DCUN1D5: variants seen among roughly 807,000 people sequenced by gnomAD.
The protein encoded by DCUN1D5 is DCN1-like protein 5.
Under a neutral mutation model 38.3 loss-of-function variants are expected in DCUN1D5, and 10 were observed. The ratio of observed to expected loss-of-function variants is 0.26; its 90% CI spans 0.16 to 0.44. The LOEUF is 0.44. Ranked by LOEUF, DCUN1D5 falls within the 20% of genes least tolerant of loss-of-function variation. The probability of loss-of-function intolerance (pLI) is 1.00; values close to 1 mark genes in which losing one functional copy is unlikely to be tolerated. For synonymous variants in DCUN1D5, 93 were observed against 90.9 expected (o/e 1.02, Z -0.13); for missense variants, 148 against 275.3 (o/e 0.54, Z 3.27).
rs1159801797 is a variant in DCUN1D5 at position 103,055,311 on chromosome 11, A to G, written c.*7048T>C. Reference sequence around the variant, plus strand: ...GATGTTCAACCTGCGCTGTTTGGCTATATTAATTCATGTAGAACTCTTCAC... The same window carrying G: ...GATGTTCAACCTGCGCTGTTTGGCTGTATTAATTCATGTAGAACTCTTCAC... On this transcript the variant is annotated 3_prime_UTR_variant, in exon 8 of 8. Coordinates refer to ENST00000260247, the MANE Select transcript of DCUN1D5 (RefSeq NM_032299.4). 6.6e-6 allele frequency: 1 copy of G among 152,152 alleles called. No homozygotes were observed. Among genetic ancestry groups the G allele is most frequent in the African/African-American group, 2.4e-5 (1 of 41,458 alleles). The allele number at this position is 152,152 out of a possible 1,614,324, so 9.4% of individuals were successfully genotyped here.
At chr11:103,082,967 G>A in intron 3 of DCUN1D5, 128 bp from the exon 4 acceptor site, 3 of 702,698 alleles carry the variant, frequency 4.3e-6, no homozygotes, top group Non-Finnish European at 7.1e-6. Context: ...ACAACCTCTG[G>A]AATTATTAAC....
chr11:103,078,904 A>G lies in DCUN1D5; in HGVS notation c.341+3844T>C, dbSNP rs1234839902. Among the ~76,000 whole-genome samples, 1 of 152,144 alleles carries G rather than the reference A, an allele frequency of 6.6e-6. No individual in the cohort carries two copies. The highest frequency in any genetic ancestry group is 1.9e-4 in the East Asian group (1 of 5,192). ...TAACCTTACTCATCTGTGCTTTCAT[A>G]GTATCTTGTATTTCCACTCTAGCAC... On this transcript the variant is annotated intron_variant, in intron 4 of 7. Coordinates refer to ENST00000260247, the MANE Select transcript of DCUN1D5 (RefSeq NM_032299.4). The surrounding 1 kb of genome is among the most constrained non-coding windows in gnomAD (Gnocchi z 4.6).
intron 1 of DCUN1D5, among the ~76,000 whole-genome samples, chr11:103,090,866 C>A (rs565524995): frequency 6.6e-5 from 10 of 152,222 alleles, no homozygotes; most frequent in Admixed American, 1.3e-4. Flanking sequence ...AAGCGGAGAT[C>A]GCGCCACTGC....
In DCUN1D5 at chr11:103,061,431, A is replaced by C. The variant is rs1862006387; in HGVS notation, c.*928T>G. The stretch of plus-strand genomic sequence containing the variant: ...AAGACACTTGATTACCAACAGGCAG[A>C]AAATTGTGATAATTAGCAAGCTGCA... On this transcript the variant is annotated 3_prime_UTR_variant, in exon 8 of 8. Transcript: ENST00000260247. 6.6e-6 allele frequency among the ~76,000 whole-genome samples: 1 copy of C among 152,118 alleles called. No homozygotes were observed. The highest frequency in any genetic ancestry group is 2.1e-4 in the South Asian group (1 of 4,828).
At position 103,062,959 on chromosome 11, in the gene DCUN1D5, G is replaced by A. The variant is rs1365735848; in HGVS notation, c.659-545C>T. Among the ~76,000 whole-genome samples the A allele has an allele frequency of 6.6e-6, 1 of 152,076 alleles. No homozygotes were observed. Among genetic ancestry groups the A allele is most frequent in the East Asian group, 1.9e-4 (1 of 5,200 alleles). On this transcript the variant is annotated intron_variant, in intron 7 of 7. Transcript: ENST00000260247. This position sits in a 1 kb window ranked among gnomAD's most constrained non-coding sequence, Gnocchi z 4.6. ...GGAGGTCCAAACTCATTTGCTGACA[G>A]AGCCAAGTAGGCAGTTTAAATGAGC...
At position 103,073,353 on chromosome 11, in the gene DCUN1D5, C is replaced by G. The variant is rs1043779646; in HGVS notation, c.342-6786G>C. ...ATTAAGAGTATTCAAAGACTCAAAA[C>G]AGTAAAAATGTCAATTCTCCCCAAA... On this transcript the variant is annotated intron_variant, in intron 4 of 7. Coordinates refer to ENST00000260247, the MANE Select transcript of DCUN1D5 (RefSeq NM_032299.4). This position sits in a 1 kb window ranked among gnomAD's most constrained non-coding sequence, Gnocchi z 4.2. Among the ~76,000 whole-genome samples, 4 of 152,210 alleles carry G rather than the reference C, an allele frequency of 2.6e-5. No individual in the cohort carries two copies. Among genetic ancestry groups the G allele is most frequent in the East Asian group, 1.9e-4 (1 of 5,178 alleles).
rs1341862756 is a variant in DCUN1D5, at chr11:103,077,665, A to G, written c.341+5083T>C. Among the ~76,000 whole-genome samples, 1 of 152,214 alleles carries G rather than the reference A, an allele frequency of 6.6e-6. No individual in the cohort carries two copies. The highest frequency in any genetic ancestry group is 2.1e-4 in the South Asian group (1 of 4,830). Reference sequence around the variant, plus strand: ...TTCATTAAAGACCTTTAAAGTGAGAAGAAAGTTTCATGCATGTATTAGATG... The same window carrying G: ...TTCATTAAAGACCTTTAAAGTGAGAGGAAAGTTTCATGCATGTATTAGATG... On this transcript the variant is annotated intron_variant, in intron 4 of 7. Coordinates refer to ENST00000260247, the MANE Select transcript of DCUN1D5 (RefSeq NM_032299.4). The surrounding 1 kb of genome is among the most constrained non-coding windows in gnomAD (Gnocchi z 4.3).
rs1371439271 is a variant in DCUN1D5 at position 103,052,835 on chromosome 11, T to G, written c.*9524A>C. 1.3e-5 allele frequency: 2 copies of G among 152,198 alleles called. No homozygotes were observed. The highest frequency in any genetic ancestry group is 2.9e-5 in the Non-Finnish European group (2 of 68,028). The allele number at this position is 152,198 out of a possible 1,614,324, so 9.4% of individuals were successfully genotyped here. On this transcript the variant is annotated 3_prime_UTR_variant, in exon 8 of 8. Transcript: ENST00000260247. Reference sequence around the variant, plus strand: ...AGAAATTCCTAAATAGAAATTCAGTTTTCTCACTCTATTACTTTGTTCACA... The same window carrying G: ...AGAAATTCCTAAATAGAAATTCAGTGTTCTCACTCTATTACTTTGTTCACA...
rs1011299032 is a variant in DCUN1D5 at position 103,077,484 on chromosome 11, T to C, written c.341+5264A>G. Among the ~76,000 whole-genome samples, 1 of 152,072 alleles carries C rather than the reference T, an allele frequency of 6.6e-6. No homozygotes were observed. The highest frequency in any genetic ancestry group is 1.5e-5 in the Non-Finnish European group (1 of 68,006). On this transcript the variant is annotated intron_variant, in intron 4 of 7. Transcript: ENST00000260247. The surrounding 1 kb of genome is among the most constrained non-coding windows in gnomAD (Gnocchi z 4.3). The stretch of plus-strand genomic sequence containing the variant: ...AACAACCAAATAAAACCACACAGAT[T>C]TGAGGGAACACTGGCACAATACAAT...
In DCUN1D5 at chr11:103,054,997, A is replaced by C. The variant is rs1489482974; in HGVS notation, c.*7362T>G. 1 of 152,044 alleles carries C rather than the reference A, an allele frequency of 6.6e-6. No individual in the cohort carries two copies. The highest frequency in any genetic ancestry group is 6.6e-5 in the Admixed American group (1 of 15,264). The allele number at this position is 152,044 out of a possible 1,614,324, so 9.4% of individuals were successfully genotyped here. A position where few individuals can be genotyped will look rare whatever the true frequency, so the allele number is the denominator to read the frequency against. ...ATGCTTGGGACCGGAAGTGTTTTAG[A>C]TTTCTTTTTTTTGATCTTTGAATAT... On this transcript the variant is annotated 3_prime_UTR_variant, in exon 8 of 8. Transcript: ENST00000260247.
At chr11:103,079,193 AAC>A (rs1480815820) in intron 4 of DCUN1D5, among the ~76,000 whole-genome samples, 2 of 152,126 alleles carry the variant, frequency 1.3e-5, no homozygotes, top group Non-Finnish European at 1.5e-5. Context: ...TCTGAGGTGG[AAC>A]AGTTTCATCC....
chr11:103,056,241 A>G lies in DCUN1D5; in HGVS notation c.*6118T>C, dbSNP rs1272493668. 6.6e-6 allele frequency among the ~76,000 whole-genome samples: 1 copy of G among 152,224 alleles called. No individual in the cohort carries two copies. On this transcript the variant is annotated 3_prime_UTR_variant, in exon 8 of 8. Coordinates refer to ENST00000260247, the MANE Select transcript of DCUN1D5 (RefSeq NM_032299.4). The surrounding 1 kb of genome is among the most constrained non-coding windows in gnomAD (Gnocchi z 4.9). ...TCTTGAGAAAGGGCTATAATGCCCT[A>G]CGTAATTACCTACAATCAGGCAGGA...
rs140169860 is a variant in DCUN1D5, at chr11:103,056,149, T to C, written c.*6210A>G. On this transcript the variant is annotated 3_prime_UTR_variant, in exon 8 of 8. Coordinates refer to ENST00000260247, the MANE Select transcript of DCUN1D5 (RefSeq NM_032299.4). This position sits in a 1 kb window ranked among gnomAD's most constrained non-coding sequence, Gnocchi z 4.9. ...ATTTACCATATTATCTTCCTACTAC[T>C]ACCTGCTTCCATCCTTGCTTTGATC... 1.3e-3 allele frequency among the ~76,000 whole-genome samples: 203 copies of C among 152,342 alleles called. 1 individual carries two copies. Among genetic ancestry groups the C allele is most frequent in the Non-Finnish European group, 2.4e-3 (163 of 68,026 alleles).
rs1862721826 is a variant in DCUN1D5, at chr11:103,086,836, T to C, written c.178+2391A>G. Among the ~76,000 whole-genome samples, 1 of 151,766 alleles carries C rather than the reference T, an allele frequency of 6.6e-6. No individual in the cohort carries two copies. Among genetic ancestry groups the C allele is most frequent in the East Asian group, 1.9e-4 (1 of 5,202 alleles). ...AATTAGCTTAAATAAAAAATAAACA[T>C]AAAATAATATCTATTATAATAAAAT... is the stretch of plus-strand genomic sequence containing the variant. On this transcript the variant is annotated intron_variant, in intron 2 of 7. Coordinates refer to ENST00000260247, the MANE Select transcript of DCUN1D5 (RefSeq NM_032299.4). This position sits in a 1 kb window ranked among gnomAD's most constrained non-coding sequence, Gnocchi z 4.1.
Position 103,061,188 on chromosome 11 carries a change from A to T in DCUN1D5, c.*1171T>A, listed in dbSNP as rs1591201619. On this transcript the variant is annotated 3_prime_UTR_variant, in exon 8 of 8. Transcript: ENST00000260247. The stretch of plus-strand genomic sequence containing the variant: ...AAATCAACCTTTACCTTAAATCCTA[A>T]TAGAAACACTCCCTTATTATGGAAA... Among the ~76,000 whole-genome samples, 1 of 152,184 alleles carries T rather than the reference A, an allele frequency of 6.6e-6. No individual in the cohort carries two copies. Among genetic ancestry groups the T allele is most frequent in the East Asian group, 1.9e-4 (1 of 5,200 alleles).
In DCUN1D5 at chr11:103,071,621, CATAG is replaced by C. The variant is rs1862275025; in HGVS notation, c.342-5058_342-5055del. ...TATAGAGATTTTACACAGATTTTTA[CATAG>C]ATATAAAAATTCTACATATGTAACA... On this transcript the variant is annotated intron_variant, in intron 4 of 7. Transcript: ENST00000260247. The surrounding 1 kb of genome is among the most constrained non-coding windows in gnomAD (Gnocchi z 4.1). Among the ~76,000 whole-genome samples, 2 of 150,242 alleles carry C rather than the reference CATAG, an allele frequency of 1.3e-5. No individual in the cohort carries two copies. The highest frequency in any genetic ancestry group is 1.3e-4 in the Admixed American group (2 of 15,090).
chr11:103,075,053 C>T (rs1397580174), intron 4 of DCUN1D5, among the ~76,000 whole-genome samples: 1 of 152,138 alleles, frequency 6.6e-6, no homozygotes, highest in Non-Finnish European at 1.5e-5. Context: ...ATCTGCAAGA[C>T]AGAAGATGGA....
At position 103,056,830 on chromosome 11, in the gene DCUN1D5, AAACT is replaced by A. The variant is rs1217037363; in HGVS notation, c.*5525_*5528del. On this transcript the variant is annotated 3_prime_UTR_variant, in exon 8 of 8. Transcript: ENST00000260247. This position sits in a 1 kb window ranked among gnomAD's most constrained non-coding sequence, Gnocchi z 4.9. Reference sequence around the variant, plus strand: ...GACAGTAAATTTGTCAGAAAAAAATAAACTATCATAACTAACCACTTCTTGTTCA... The same window carrying A: ...GACAGTAAATTTGTCAGAAAAAAATAATCATAACTAACCACTTCTTGTTCA... 6.6e-6 allele frequency among the ~76,000 whole-genome samples: 1 copy of A among 152,216 alleles called. No homozygotes were observed. Among genetic ancestry groups the A allele is most frequent in the Non-Finnish European group, 1.5e-5 (1 of 68,032 alleles).
At position 103,052,231 on chromosome 11, in the gene DCUN1D5, A is replaced by G. The variant is rs1286469512; in HGVS notation, c.*10128T>C. 1 of 152,180 alleles carries G rather than the reference A, an allele frequency of 6.6e-6. No individual in the cohort carries two copies. The highest frequency in any genetic ancestry group is 2.4e-5 in the African/African-American group (1 of 41,446). 9.4% of individuals were successfully genotyped at this position (152,180 alleles called of 1,614,324 possible). A position where few individuals can be genotyped will look rare whatever the true frequency, so the allele number is the denominator to read the frequency against. On this transcript the variant is annotated 3_prime_UTR_variant, in exon 8 of 8. Transcript: ENST00000260247. ...CATGGTTTCTGCCCTCAAGAATCTCAGTCTAATGGGAATGTGGATATGTAA... is the reference window on the plus strand; with the variant it reads ...CATGGTTTCTGCCCTCAAGAATCTCGGTCTAATGGGAATGTGGATATGTAA...
Sources: gnomAD v4.1 joint callset for allele counts (sites outside exome capture counted in the v4.1 genomes callset) on GRCh38, gnomAD v4.1.1 for gene constraint, Gnocchi (gnomAD v3.1) non-coding constraint, MANE v1.5 for transcripts, NCBI Gene and HGNC (gene_info 2026-07-23, HGNC 2026-07-21) for gene names.